The following M1AP variants were observed in gnomAD, a reference collection of about 807,000 sequenced individuals.
M1AP encodes meiosis 1 associated protein, also known as meiosis 1 arrest protein.
A neutral mutation model predicts 51.2 loss-of-function variants in M1AP; 39 were observed. That is an observed-to-expected ratio of 0.76 (90% CI 0.59 to 1.00). The LOEUF (loss-of-function observed/expected upper bound fraction) is 1.00, where lower values mean the gene tolerates loss of function less well. M1AP is among the 50% of genes least tolerant of loss of function. The pLI, the probability that M1AP is intolerant of heterozygous loss-of-function variation, is 0.00. For missense variants in M1AP, 545 were observed against 641.2 expected (o/e 0.85, Z 1.62); for synonymous variants, 251 against 249.2 (o/e 1.01, Z -0.07).
At position 74,558,486 on chromosome 2, in the gene M1AP, C is replaced by G. The variant is rs1385163240; in HGVS notation, c.*230G>C. ...CCTGTGTAAACAGTAGCAAATGATT[C>G]TAAAGAAAATGAAAGTCCTTGCTGG... On this transcript the variant is annotated 3_prime_UTR_variant, in exon 11 of 11. Transcript: ENST00000421985. 3.3e-5 allele frequency: 17 copies of G among 511,734 alleles called. No individual in the cohort carries two copies. Among genetic ancestry groups the G allele is most frequent in the Non-Finnish European group, 1.0e-5 (3 of 294,932 alleles). 31.7% of individuals were successfully genotyped at this position (511,734 alleles called of 1,614,324 possible). A position where few individuals can be genotyped will look rare whatever the true frequency, so the allele number is the denominator to read the frequency against.
At chr2:74,635,412 A>T (rs1284655012) in intron 2 of M1AP, among the ~76,000 whole-genome samples, 4 of 151,962 alleles carry the variant, frequency 2.6e-5, no homozygotes, top group African/African-American at 9.7e-5. Flanking sequence ...TGTTAATTTT[A>T]TTGATCTTTT....
chr2:74,620,451 C>T (rs1681938586), intron 2 of M1AP, among the ~76,000 whole-genome samples: 1 of 152,152 alleles, frequency 6.6e-6, no homozygotes, highest in Non-Finnish European at 1.5e-5. Context: ...GCTGAACAAC[C>T]CCCACCTAAC....
At chr2:74,637,440 G>A (rs1349906446) in intron 2 of M1AP, among the ~76,000 whole-genome samples, 1 of 152,136 alleles carries the variant, frequency 6.6e-6, no homozygotes, top group Non-Finnish European at 1.5e-5. Flanking sequence ...TCTTCATAAT[G>A]AGTCATAATT....
rs1679080864 is a variant in M1AP at position 74,576,512 on chromosome 2, T to A, written c.876A>T (p.Thr292=). 2.5e-6 allele frequency: 4 copies of A among 1,613,930 alleles called. No homozygotes were observed. Among genetic ancestry groups the A allele is most frequent in the Non-Finnish European group, 2.5e-6 (3 of 1,179,966 alleles). ...ATGACTGGGAAGCCATCTGGTAGAGTGTGATGAAGTCTCCTTTAGGGTCAT... is the reference window on the plus strand; with the variant it reads ...ATGACTGGGAAGCCATCTGGTAGAGAGTGATGAAGTCTCCTTTAGGGTCAT... ...RMDDPKGDFI[T]LYQMASQSSA... Residue 292 remains threonine, a synonymous_variant, in exon 6 of 11, where the codon ACA becomes ACT. Coordinates refer to ENST00000421985, the MANE Select transcript of M1AP (RefSeq NM_001321739.2).
chr2:74,607,270 A>G lies in M1AP; in HGVS notation c.427-47T>C, dbSNP rs548307593. On this transcript the variant is annotated intron_variant, in intron 3 of 10. Transcript: ENST00000421985. ...AATGTGTCTATTCTCCCTGATGTAC[A>G]GAGTGAGGAACATAACAGTTCCTAC... The G allele has an allele frequency of 2.7e-5, 42 of 1,584,216 alleles. No individual in the cohort carries two copies. In the South Asian group the frequency reaches 4.2e-4, roughly 16 times the overall value.
intron 2 of M1AP, among the ~76,000 whole-genome samples, chr2:74,624,473 C>T (rs1243035841): frequency 1.3e-5 from 2 of 152,002 alleles, no homozygotes; most frequent in Non-Finnish European, 2.9e-5. Context: ...GTTAGGATAA[C>T]TTAGATTGAT....
At chr2:74,570,543 C>T (rs1219435276) in intron 7 of M1AP, among the ~76,000 whole-genome samples, 4 of 152,102 alleles carry the variant, frequency 2.6e-5, no homozygotes, top group Non-Finnish European at 4.4e-5. Flanking sequence ...CAAAAAGAAA[C>T]AGCATACAAA....
At chr2:74,609,139 T>A (rs1681181600) in intron 3 of M1AP, among the ~76,000 whole-genome samples, 1 of 152,218 alleles carries the variant, frequency 6.6e-6, no homozygotes, top group African/African-American at 2.4e-5. Context: ...CATGCTATTG[T>A]ACAGTAGAAC....
chr2:74,632,896 A>G (rs1682781076), intron 2 of M1AP, among the ~76,000 whole-genome samples: 1 of 152,162 alleles, frequency 6.6e-6, no homozygotes, highest in Non-Finnish European at 1.5e-5. Context: ...GAGGAGTGCC[A>G]GAAGGATATA....
At chr2:74,585,341 T>C (rs1166128031) in intron 4 of M1AP, among the ~76,000 whole-genome samples, 2 of 152,190 alleles carry the variant, frequency 1.3e-5, no homozygotes, top group South Asian at 2.1e-4. Context: ...TTTGTGATTA[T>C]GGTTATGGTT....
At chr2:74,643,372 C>T (rs544279364) in intron 1 of M1AP, among the ~76,000 whole-genome samples, 1 of 151,860 alleles carries the variant, frequency 6.6e-6, no homozygotes, top group Admixed American at 6.5e-5. Context: ...CAGCAAGACA[C>T]AAAGAATACA....
At chr2:74,637,269 G>A (rs1683040112) in intron 2 of M1AP, among the ~76,000 whole-genome samples, 2 of 152,146 alleles carry the variant, frequency 1.3e-5, no homozygotes, top group South Asian at 4.2e-4. Flanking sequence ...AGAAATTGTA[G>A]TTTTCCTCTC....
intron 7 of M1AP, among the ~76,000 whole-genome samples, chr2:74,574,231 T>C (rs1252991060): frequency 6.6e-6 from 1 of 152,260 alleles, no homozygotes; most frequent in African/African-American, 2.4e-5. Flanking sequence ...TTAATTTTGC[T>C]AAGTGTTGTG....
At chr2:74,642,379 GA>G (rs1404805831) in intron 1 of M1AP, among the ~76,000 whole-genome samples, 3 of 151,948 alleles carry the variant, frequency 2.0e-5, no homozygotes, top group South Asian at 2.1e-4. Flanking sequence ...AAGTAAATGA[GA>G]AAAATGATAT....
In M1AP at chr2:74,609,837, T is replaced by C. The variant is rs149349024; in HGVS notation, c.427-2614A>G. Among the ~76,000 whole-genome samples, 686 of 152,350 alleles carry C rather than the reference T, an allele frequency of 4.5e-3. 3 individuals carry two copies. Among genetic ancestry groups the C allele is most frequent in the Middle Eastern group, 0.01 (3 of 294 alleles). On this transcript the variant is annotated intron_variant, in intron 3 of 10. Coordinates refer to ENST00000421985, the MANE Select transcript of M1AP (RefSeq NM_001321739.2). The stretch of plus-strand genomic sequence containing the variant: ...TGTTGAGCATTTTTGCACCTGCCTG[T>C]GGCCATTTGTATGTCTTCTTTTGAG...
chr2:74,638,946 C>T (rs1683135133), intron 2 of M1AP, among the ~76,000 whole-genome samples: 1 of 152,186 alleles, frequency 6.6e-6, no homozygotes, highest in Non-Finnish European at 1.5e-5. Context: ...AGTTGAATTT[C>T]TTAAATAATT....
At chr2:74,565,986 T>C (rs944048865) in intron 7 of M1AP, among the ~76,000 whole-genome samples, 1 of 152,186 alleles carries the variant, frequency 6.6e-6, no homozygotes, top group Non-Finnish European at 1.5e-5. Flanking sequence ...TAACCTCATA[T>C]GTAGTGGTGA....
intron 7 of M1AP, among the ~76,000 whole-genome samples, chr2:74,564,052 T>A (rs1465013933): frequency 6.6e-6 from 1 of 152,054 alleles, no homozygotes; most frequent in African/African-American, 2.4e-5. Context: ...AGAAAACACA[T>A]GAGTTCTGGC....
chr2:74,604,400 T>C lies in M1AP; in HGVS notation c.595+2655A>G, dbSNP rs76917341. On this transcript the variant is annotated intron_variant, in intron 4 of 10. Coordinates refer to ENST00000421985, the MANE Select transcript of M1AP (RefSeq NM_001321739.2). ...AGACAATTTTTCCACAGATGTGTGG[T>C]TGGAATGGTTTTGGGATGAAACTGT... 7.0e-3 allele frequency among the ~76,000 whole-genome samples: 1,067 copies of C among 152,254 alleles called. 16 individuals are homozygous for C. The highest frequency in any genetic ancestry group is 0.024 in the African/African-American group (1,017 of 41,548).
Sources: gnomAD v4.1 joint callset for allele counts (sites outside exome capture counted in the v4.1 genomes callset) on GRCh38, gnomAD v4.1.1 for gene constraint, MANE v1.5 for transcripts, NCBI Gene and HGNC (gene_info 2026-07-23, HGNC 2026-07-21) for gene names.